CCDC170: variants seen among roughly 807,000 people sequenced by gnomAD.
CCDC170 encodes the protein coiled-coil domain-containing protein 170.
A neutral mutation model predicts 72.6 loss-of-function variants in CCDC170; 69 were observed. That is an observed-to-expected ratio of 0.95 (90% CI 0.78 to 1.16). CCDC170 has a LOEUF of 1.16. Ranked by LOEUF, CCDC170 falls within the 50% of genes most tolerant of loss-of-function variation. The pLI, the probability that CCDC170 is intolerant of heterozygous loss-of-function variation, is 0.00. For missense variants in CCDC170, 852 were observed against 832.5 expected (o/e 1.02, Z -0.29); for synonymous variants, 300 against 303.9 (o/e 0.99, Z 0.13).
At chr6:151,521,938 A>G (rs907409592) in intron 1 of CCDC170, among the ~76,000 whole-genome samples, 26 of 149,038 alleles carry the variant, frequency 1.7e-4, no homozygotes, top group African/African-American at 6.0e-4. Flanking sequence ...GTGAGTGGAG[A>G]TCGAGCCACT....
intron 3 of CCDC170, among the ~76,000 whole-genome samples, chr6:151,541,401 A>G (rs1782688217): frequency 6.6e-6 from 1 of 152,118 alleles, no homozygotes; most frequent in Non-Finnish European, 1.5e-5. Flanking sequence ...TGTTTTTCAG[A>G]GATGGGGATC....
intron 5 of CCDC170, among the ~76,000 whole-genome samples, chr6:151,570,838 A>G (rs2115085739): frequency 6.6e-6 from 1 of 152,336 alleles, no homozygotes; most frequent in South Asian, 2.1e-4. Context: ...ACTTTTAAGG[A>G]CCGTCATTTA....
chr6:151,555,719 G>A (rs1397287804), intron 5 of CCDC170, among the ~76,000 whole-genome samples: 1 of 152,150 alleles, frequency 6.6e-6, no homozygotes, highest in Non-Finnish European at 1.5e-5. Context: ...ACTCACTTGT[G>A]AAATTTCACT....
chr6:151,523,988 G>C (rs1308543039), intron 1 of CCDC170, among the ~76,000 whole-genome samples: 1 of 152,194 alleles, frequency 6.6e-6, no homozygotes, highest in African/African-American at 2.4e-5. Flanking sequence ...AAAGCTCACT[G>C]CAGGGGAGAG....
intron 9 of CCDC170, 148 bp from the exon 10 acceptor site, chr6:151,615,295 G>A (rs1776942899): frequency 1.5e-6 from 1 of 687,364 alleles, no homozygotes; most frequent in Non-Finnish European, 2.6e-6. Context: ...CATATGCTTA[G>A]CAAAATCTCT....
intron 9 of CCDC170, among the ~76,000 whole-genome samples, chr6:151,614,323 A>G (rs1776922856): frequency 6.6e-6 from 1 of 152,116 alleles, no homozygotes; most frequent in Non-Finnish European, 1.5e-5. Flanking sequence ...TACAATTCCT[A>G]TGAATTAGCC....
In CCDC170 at chr6:151,583,611, T is replaced by A. The variant is rs115734329; in HGVS notation, c.1093-2278T>A. Among the ~76,000 whole-genome samples the A allele has an allele frequency of 7.4e-3, 1,120 of 152,116 alleles. 12 individuals are homozygous for A. The highest frequency in any genetic ancestry group is 0.026 in the African/African-American group (1,070 of 41,502). ...TAGCTGGGACTACAGGCATGAGCCA[T>A]CACGTCCAGCTAATTTTTGTATTTT... is the stretch of plus-strand genomic sequence containing the variant. On this transcript the variant is annotated intron_variant, in intron 6 of 10. Coordinates refer to ENST00000239374, the MANE Select transcript of CCDC170 (RefSeq NM_025059.4).
At chr6:151,594,561 C>G (rs1396891349) in intron 8 of CCDC170, among the ~76,000 whole-genome samples, 1 of 152,100 alleles carries the variant, frequency 6.6e-6, no homozygotes, top group South Asian at 2.1e-4. Flanking sequence ...GTGTCCAACA[C>G]CATTACTTCT....
chr6:151,553,156 G>A (rs1289831792), intron 5 of CCDC170, among the ~76,000 whole-genome samples: 1 of 152,082 alleles, frequency 6.6e-6, no homozygotes, highest in Non-Finnish European at 1.5e-5. Context: ...CAAAATTGAT[G>A]ATTTATAAAT....
At chr6:151,580,014 A>G (rs1776358782) in intron 6 of CCDC170, among the ~76,000 whole-genome samples, 1 of 152,208 alleles carries the variant, frequency 6.6e-6, no homozygotes, top group Non-Finnish European at 1.5e-5. Context: ...ACTCTGGTCT[A>G]CGTCAGATGC....
chr6:151,553,673 C>T (rs1002871549), intron 5 of CCDC170, among the ~76,000 whole-genome samples: 4 of 151,886 alleles, frequency 2.6e-5, no homozygotes, highest in African/African-American at 7.3e-5. Context: ...CAATGTTGTT[C>T]AGACTTTGGA....
intron 1 of CCDC170, among the ~76,000 whole-genome samples, chr6:151,524,247 C>T (rs935549119): frequency 1.3e-4 from 20 of 152,186 alleles, no homozygotes; most frequent in African/African-American, 4.6e-4. Flanking sequence ...TGCAAGTTCC[C>T]TTATCTGTGC....
intron 1 of CCDC170, among the ~76,000 whole-genome samples, chr6:151,515,598 G>A (rs965166233): frequency 2.6e-5 from 4 of 152,140 alleles, no homozygotes; most frequent in Non-Finnish European, 5.9e-5. Flanking sequence ...CCAGGTTCTT[G>A]TTATATAGAT....
At position 151,606,348 on chromosome 6, in the gene CCDC170, G is replaced by A. The variant is rs546781464; in HGVS notation, c.1711-9095G>A. ...TTTTCATTTGTTTCAAGAATTTTTT[G>A]GATTTTCTTCTTAATTTCTTCCTTG... On this transcript the variant is annotated intron_variant, in intron 9 of 10. Coordinates refer to ENST00000239374, the MANE Select transcript of CCDC170 (RefSeq NM_025059.4). Among the ~76,000 whole-genome samples, 4 of 152,126 alleles carry A rather than the reference G, an allele frequency of 2.6e-5. No individual in the cohort carries two copies. In the South Asian group the frequency reaches 8.3e-4, roughly 32 times the overall value.
chr6:151,571,918 C>T (rs141398875), intron 5 of CCDC170, among the ~76,000 whole-genome samples: 18 of 152,314 alleles, frequency 1.2e-4, no homozygotes, highest in African/African-American at 4.3e-4. Flanking sequence ...TGCACTGATG[C>T]AATTACTGCT....
At chr6:151,562,286 C>T (rs1776046293) in intron 5 of CCDC170, among the ~76,000 whole-genome samples, 4 of 152,314 alleles carry the variant, frequency 2.6e-5, no homozygotes, top group Middle Eastern at 6.8e-3. Flanking sequence ...TGTCAAAACA[C>T]TCTGGCTTTT....
chr6:151,511,891 A>T (rs777240420), intron 1 of CCDC170, among the ~76,000 whole-genome samples: 1 of 152,152 alleles, frequency 6.6e-6, no homozygotes, highest in Non-Finnish European at 1.5e-5. Context: ...TCTGCCACCC[A>T]GACTGGACTG....
chr6:151,550,504 C>T (rs1433973793), intron 5 of CCDC170, among the ~76,000 whole-genome samples: 1 of 152,136 alleles, frequency 6.6e-6, no homozygotes, highest in Non-Finnish European at 1.5e-5. Context: ...TCAATTAATT[C>T]CCTGCATCAA....
At chr6:151,605,211 T>C (rs759694843) in intron 9 of CCDC170, among the ~76,000 whole-genome samples, 3 of 152,264 alleles carry the variant, frequency 2.0e-5, no homozygotes, top group Non-Finnish European at 4.4e-5. Context: ...CATGTTGCTG[T>C]GAATGACAGG....
Sources: allele counts gnomAD v4.1 joint callset (sites outside exome capture counted in the v4.1 genomes callset), GRCh38; gene constraint gnomAD v4.1.1; transcripts MANE v1.5; gene names NCBI Gene and HGNC (gene_info 2026-07-23, HGNC 2026-07-21).